PDE12: variants seen among roughly 807,000 people sequenced by gnomAD.
PDE12 encodes the protein phosphodiesterase 12.
In PDE12, 26 loss-of-function variants were observed where a neutral mutation model predicts 45.4. The observed-to-expected ratio is 0.57, with a 90% confidence interval of 0.42 to 0.79. The LOEUF (loss-of-function observed/expected upper bound fraction) is 0.79, where lower values mean the gene tolerates loss of function less well. Ranked by LOEUF, PDE12 falls within the 30% of genes least tolerant of loss-of-function variation. PDE12 has a pLI of 0.00. For synonymous variants in PDE12, 283 were observed against 323.9 expected (o/e 0.87, Z 1.36); for missense variants, 668 against 790.0 (o/e 0.85, Z 1.85).
chr3:57,571,982 T>G, the PDE12 span: 3 of 459,966 alleles, frequency 6.5e-6, no homozygotes, highest in Non-Finnish European at 1.2e-5. Flanking sequence ...TTATGGGAAG[T>G]AAAATTAAAA....
the PDE12 span, among the ~76,000 whole-genome samples, chr3:57,581,198 TTC>T: frequency 6.6e-6 from 1 of 152,188 alleles, no homozygotes; most frequent in Non-Finnish European, 1.5e-5. Context: ...AAGCTATAGT[TTC>T]TTTTAAATTT....
chr3:57,582,112 G>A, the PDE12 span, among the ~76,000 whole-genome samples: 2 of 152,074 alleles, frequency 1.3e-5, no homozygotes, highest in Admixed American at 6.6e-5. Context: ...AGTGGTTTCT[G>A]GTCCCAAGAA....
chr3:57,584,509 C>T, the PDE12 span: 1 of 1,466,142 alleles, frequency 6.8e-7, no homozygotes, highest in Admixed American at 1.8e-5. Context: ...CAAAAGCACA[C>T]TCCAAGAAAT....
At chr3:57,651,037 G>A in the PDE12 span, among the ~76,000 whole-genome samples, 1 of 151,972 alleles carries the variant, frequency 6.6e-6, no homozygotes, top group African/African-American at 2.4e-5. Flanking sequence ...GACCACCTTG[G>A]CCTCCCAAAG....
the PDE12 span, among the ~76,000 whole-genome samples, chr3:57,587,522 AT>A: frequency 9.0e-4 from 136 of 151,254 alleles, no homozygotes; most frequent in African/African-American, 2.9e-3. Flanking sequence ...ACTGATAGGA[AT>A]TTTTTTTTAC....
At chr3:57,570,453 G>A (rs1434141156), downstream of PDE12, among the ~76,000 whole-genome samples, 1 of 148,726 alleles carries the variant, frequency 6.7e-6, no homozygotes, top group Non-Finnish European at 1.5e-5. Context: ...CCTGAGCTCA[G>A]GCAATCTGCC....
In PDE12 at chr3:57,562,732, T is replaced by C. The variant is rs181401990; in HGVS notation, c.*2728T>C. ...AACATATTATTCTGTTAAAATGAAC[T>C]CTTGCACAGTTGCCGCTACAGCAAA... On this transcript the variant is annotated 3_prime_UTR_variant, in exon 3 of 3. Coordinates refer to ENST00000311180, the MANE Select transcript of PDE12 (RefSeq NM_177966.7). The C allele has an allele frequency of 2.0e-5, 3 of 152,346 alleles. No homozygotes were observed. The highest frequency in any genetic ancestry group is 7.2e-5 in the African/African-American group (3 of 41,586). 9.4% of individuals were successfully genotyped at this position (152,346 alleles called of 1,614,324 possible). A position where few individuals can be genotyped will look rare whatever the true frequency, so the allele number is the denominator to read the frequency against.
At position 57,560,394 on chromosome 3, in the gene PDE12, C is replaced by T. The variant is rs1189269756; in HGVS notation, c.*390C>T. The T allele has an allele frequency of 2.0e-5, 15 of 738,700 alleles. No individual in the cohort carries two copies. In the African/African-American group the frequency reaches 2.9e-4, roughly 14 times the overall value. The allele number at this position is 738,700 out of a possible 1,614,324, so 45.8% of individuals were successfully genotyped here. ...AGGCTGGAGTGCAATGGCACAATCTCGGCTCACTGCAACCTCCGCCCCCTG... is the reference window on the plus strand; with the variant it reads ...AGGCTGGAGTGCAATGGCACAATCTTGGCTCACTGCAACCTCCGCCCCCTG... On this transcript the variant is annotated 3_prime_UTR_variant, in exon 3 of 3. Transcript: ENST00000311180.
the PDE12 span, among the ~76,000 whole-genome samples, chr3:57,653,694 C>T: frequency 6.7e-6 from 1 of 148,364 alleles, no homozygotes; most frequent in Non-Finnish European, 1.5e-5. Flanking sequence ...TGCAGTGAGC[C>T]GAGATCGCAC....
At position 57,561,425 on chromosome 3, in the gene PDE12, A is replaced by T; in HGVS notation, c.*1421A>T. 3.2e-5 allele frequency: 31 copies of T among 954,360 alleles called. No individual in the cohort carries two copies. Among genetic ancestry groups the T allele is most frequent in the Non-Finnish European group, 3.9e-5 (31 of 801,336 alleles). 59.1% of individuals were successfully genotyped at this position (954,360 alleles called of 1,614,324 possible). A position where few individuals can be genotyped will look rare whatever the true frequency, so the allele number is the denominator to read the frequency against. On this transcript the variant is annotated 3_prime_UTR_variant, in exon 3 of 3. Coordinates refer to ENST00000311180, the MANE Select transcript of PDE12 (RefSeq NM_177966.7). ...TACAGACAACAGTGTGTATATATGT[A>T]ATATATATATAGTAAAATGAAATTT...
At chr3:57,558,204 C>T (rs1350720342) in intron 1 of PDE12, among the ~76,000 whole-genome samples, 4 of 152,110 alleles carry the variant, frequency 2.6e-5, no homozygotes, top group African/African-American at 9.7e-5. Context: ...AGAAGAGCAG[C>T]TACCATTTTT....
the PDE12 span, among the ~76,000 whole-genome samples, chr3:57,639,836 A>G: frequency 6.7e-6 from 1 of 149,616 alleles, no homozygotes; most frequent in Admixed American, 6.6e-5. Flanking sequence ...GAATTTGTAA[A>G]CAGTACTATT....
the PDE12 span, among the ~76,000 whole-genome samples, chr3:57,622,783 C>T: frequency 5.9e-5 from 9 of 152,060 alleles, no homozygotes; most frequent in African/African-American, 2.2e-4. Context: ...CAGGCAACAA[C>T]CTGAATGAAT....
At chr3:57,616,087 C>T in the PDE12 span, among the ~76,000 whole-genome samples, 2 of 152,124 alleles carry the variant, frequency 1.3e-5, no homozygotes, top group Non-Finnish European at 2.9e-5. Flanking sequence ...CTTTGAGAAG[C>T]CAAGGCAAGA....
the PDE12 span, chr3:57,654,763 C>G: frequency 6.1e-6 from 6 of 985,376 alleles, no homozygotes; most frequent in Non-Finnish European, 7.2e-6. Context: ...TCAACTGTAT[C>G]TCTGCTACTC....
rs769762250 is a variant in PDE12, at chr3:57,563,070, A to T, written c.*3066A>T. 3.9e-5 allele frequency: 6 copies of T among 152,244 alleles called. No homozygotes were observed. Among genetic ancestry groups the T allele is most frequent in the Non-Finnish European group, 8.8e-5 (6 of 68,048 alleles). 9.4% of individuals were successfully genotyped at this position (152,244 alleles called of 1,614,324 possible). A position where few individuals can be genotyped will look rare whatever the true frequency, so the allele number is the denominator to read the frequency against. ...TGAAATAAAGGCAGAGGTTCCCTGC[A>T]AACTAGTTTGGTTGGGATAAATCCA... On this transcript the variant is annotated 3_prime_UTR_variant, in exon 3 of 3. Coordinates refer to ENST00000311180, the MANE Select transcript of PDE12 (RefSeq NM_177966.7).
the PDE12 span, among the ~76,000 whole-genome samples, chr3:57,637,112 C>A: frequency 1.3e-5 from 2 of 152,124 alleles, no homozygotes; most frequent in Non-Finnish European, 2.9e-5. Context: ...TCCAAGAATA[C>A]TGCACAAATT....
rs2069754480 is a variant in PDE12, at chr3:57,564,012, A to C, written c.*4008A>C. On this transcript the variant is annotated 3_prime_UTR_variant, in exon 3 of 3. Coordinates refer to ENST00000311180, the MANE Select transcript of PDE12 (RefSeq NM_177966.7). Reference sequence around the variant, plus strand: ...TATGAAAGTACTTTTTTAAATGTTAAAAATACTAGAGCTGTATTAACTTCG... The same window carrying C: ...TATGAAAGTACTTTTTTAAATGTTACAAATACTAGAGCTGTATTAACTTCG... 1 of 152,236 alleles carries C rather than the reference A, an allele frequency of 6.6e-6. No individual in the cohort carries two copies. The highest frequency in any genetic ancestry group is 1.5e-5 in the Non-Finnish European group (1 of 68,044). 9.4% of individuals were successfully genotyped at this position (152,236 alleles called of 1,614,324 possible). A position where few individuals can be genotyped will look rare whatever the true frequency, so the allele number is the denominator to read the frequency against.
the PDE12 span, among the ~76,000 whole-genome samples, chr3:57,594,325 T>A: frequency 6.6e-6 from 1 of 152,222 alleles, no homozygotes; most frequent in Non-Finnish European, 1.5e-5. Context: ...GGCCTCAATG[T>A]GATCCTCCCA....
Sources: allele counts gnomAD v4.1 joint callset (sites outside exome capture counted in the v4.1 genomes callset), GRCh38; gene constraint gnomAD v4.1.1; transcripts MANE v1.5; gene names NCBI Gene and HGNC (gene_info 2026-07-23, HGNC 2026-07-21).